Variants in SLC25A15 observed in about 807,000 individuals in gnomAD.
SLC25A15 encodes the protein solute carrier family 25 member 15, also known as mitochondrial ornithine transporter 1.
In SLC25A15, 24 loss-of-function variants were observed where a neutral mutation model predicts 32.3. The observed-to-expected ratio is 0.74, with a 90% CI of 0.54 to 1.04. The LOEUF is 1.04. Among genes scored for constraint, SLC25A15 ranks in the 50% least tolerant of loss-of-function variants. SLC25A15 has a pLI of 0.00. For missense variants in SLC25A15, 317 were observed against 374.5 expected, an observed-to-expected ratio of 0.85 and a Z score of 1.27; for synonymous variants, 132 against 142.1, an observed-to-expected ratio of 0.93 and a Z score of 0.51.
rs1279262296 is a variant in SLC25A15, at chr13:40,802,991, G to C, written c.315-2127G>C. 5.3e-5 allele frequency among the ~76,000 whole-genome samples: 8 copies of C among 152,282 alleles called. No individual in the cohort carries two copies. The South Asian group carries it at 1.5e-3, about 28-fold the overall frequency. On this transcript the variant is annotated intron_variant, in intron 3 of 6. Transcript: ENST00000338625. ...GGGGTTTTTGGAAATCTCTGAGGGT[G>C]ATCTTGGCTGTCCAGTGAGAGCATG...
intron 2 of SLC25A15, among the ~76,000 whole-genome samples, chr13:40,794,010 T>A (rs1299834872): frequency 6.6e-6 from 1 of 152,194 alleles, no homozygotes; most frequent in East Asian, 1.9e-4. Flanking sequence ...TTACTGTCCC[T>A]GCTAGTGTTG....
intron 3 of SLC25A15, among the ~76,000 whole-genome samples, chr13:40,800,122 C>T (rs1450621732): frequency 6.6e-6 from 1 of 152,168 alleles, no homozygotes; most frequent in Non-Finnish European, 1.5e-5. Context: ...TTAGTTATTT[C>T]AGTAGGAGTT....
chr13:40,805,323 A>G (rs1199708898), intron 4 of SLC25A15, 68 bp downstream of exon 4: 1 of 1,583,832 alleles, frequency 6.3e-7, no homozygotes, highest in East Asian at 2.2e-5. Flanking sequence ...TTTTCATTTT[A>G]CATTGTACTA....
intron 3 of SLC25A15, among the ~76,000 whole-genome samples, chr13:40,801,838 C>T (rs1416054920): frequency 1.3e-5 from 2 of 152,106 alleles, no homozygotes; most frequent in African/African-American, 4.8e-5. Flanking sequence ...CATCCTATAC[C>T]TATTACTGTT....
At chr13:40,794,598 C>A (rs1237843022) in intron 2 of SLC25A15, among the ~76,000 whole-genome samples, 2 of 152,060 alleles carry the variant, frequency 1.3e-5, no homozygotes, top group African/African-American at 4.8e-5. Flanking sequence ...GGAAACAGGG[C>A]GGAATGGGAA....
At chr13:40,792,862 G>A (rs188111140) in intron 1 of SLC25A15, among the ~76,000 whole-genome samples, 11 of 152,158 alleles carry the variant, frequency 7.2e-5, no homozygotes, top group Admixed American at 3.9e-4. Flanking sequence ...AGTCTGATGC[G>A]GTTTGGTACA....
At chr13:40,794,651 G>A (rs1219304244) in intron 2 of SLC25A15, among the ~76,000 whole-genome samples, 1 of 152,164 alleles carries the variant, frequency 6.6e-6, no homozygotes, top group Non-Finnish European at 1.5e-5. Flanking sequence ...AGAAGTAGGA[G>A]GAGTGGCTGG....
chr13:40,808,728 T>G (rs1253662428), intron 6 of SLC25A15, 132 bp downstream of exon 6: 19 of 690,392 alleles, frequency 2.8e-5, no homozygotes, highest in Non-Finnish European at 4.7e-5. Flanking sequence ...GGTCAGGAGA[T>G]CGAGACCATC....
chr13:40,808,631 C>T (rs1433402184), intron 6 of SLC25A15, 35 bp downstream of exon 6: 2 of 1,581,358 alleles, frequency 1.3e-6, no homozygotes, highest in South Asian at 2.2e-5. Flanking sequence ...CATCTATATA[C>T]ATCTTAAAAT....
intron 3 of SLC25A15, among the ~76,000 whole-genome samples, chr13:40,800,340 A>G (rs546703954): frequency 1.3e-5 from 2 of 152,198 alleles, no homozygotes; most frequent in South Asian, 4.2e-4. Flanking sequence ...AGGGCTGAGC[A>G]TGAATGGGAT....
chr13:40,793,413 A>G, intron 2 of SLC25A15, 132 bp downstream of exon 2: 1 of 825,790 alleles, frequency 1.2e-6, no homozygotes, highest in Non-Finnish European at 2.0e-6. Context: ...ATACATAAAT[A>G]CCACTGTGTT....
At chr13:40,806,619 C>T (rs1882185673) in intron 4 of SLC25A15, among the ~76,000 whole-genome samples, 1 of 152,212 alleles carries the variant, frequency 6.6e-6, no homozygotes. Flanking sequence ...ATGTCTGTGG[C>T]CTTTATTACC....
Position 40,791,858 on chromosome 13 carries a change from G to A in SLC25A15, c.-69-1300G>A, listed in dbSNP as rs73461259. ...AATAAAGGAGGATTATTGAAGTCTCGTCGTTGGCAAGATGCTTCAAGAGGT... is the reference window on the plus strand; with the variant it reads ...AATAAAGGAGGATTATTGAAGTCTCATCGTTGGCAAGATGCTTCAAGAGGT... On this transcript the variant is annotated intron_variant, in intron 1 of 6. Transcript: ENST00000338625. 6.3e-4 allele frequency among the ~76,000 whole-genome samples: 96 copies of A among 152,220 alleles called. 1 individual carries two copies. Among genetic ancestry groups the A allele is most frequent in the African/African-American group, 2.2e-3 (91 of 41,528 alleles).
chr13:40,799,171 AG>A lies in SLC25A15; in HGVS notation c.172del (p.Val58TrpfsTer14), dbSNP rs1881780569. ...LTDCCLKTYSQVGFRGFYKGT... is the reference protein window; with the variant it reads ...LTDCCLKTYSXVGFRGFYKGT... ...GACTGCTGCCTGAAGACTTACTCCC[AG>A]GTGGGCTTCCGTGGCTTCTACAAGG... On this transcript the variant is annotated frameshift_variant, in exon 3 of 7. Transcript: ENST00000338625. LOFTEE classifies it high-confidence loss of function. The A allele has an allele frequency of 6.2e-7, 1 of 1,614,200 alleles. No homozygotes were observed. The highest frequency in any genetic ancestry group is 8.5e-7 in the Non-Finnish European group (1 of 1,180,030).
chr13:40,792,471 T>C (rs1881544433), intron 1 of SLC25A15, among the ~76,000 whole-genome samples: 1 of 152,238 alleles, frequency 6.6e-6, no homozygotes, highest in South Asian at 2.1e-4. Context: ...TGGTCTGTGG[T>C]GACGGGAAGA....
chr13:40,809,239 C>T (rs1882339797), intron 6 of SLC25A15, among the ~76,000 whole-genome samples: 1 of 152,246 alleles, frequency 6.6e-6, no homozygotes, highest in Non-Finnish European at 1.5e-5. Context: ...CCTCTATCTC[C>T]ATGGTTGCCT....
intron 2 of SLC25A15, among the ~76,000 whole-genome samples, chr13:40,793,740 A>G (rs1237675387): frequency 6.6e-6 from 1 of 152,284 alleles, no homozygotes; most frequent in Non-Finnish European, 1.5e-5. Flanking sequence ...CTTTGGGATT[A>G]ATCCATTTGA....
chr13:40,794,509 G>A (rs1217351724), intron 2 of SLC25A15, among the ~76,000 whole-genome samples: 43 of 152,204 alleles, frequency 2.8e-4, no homozygotes, highest in Admixed American at 2.8e-3. Flanking sequence ...CCTGTGATAA[G>A]GGGTAGTGCT....
chr13:40,799,065 G>A lies in SLC25A15; in HGVS notation c.64G>A (p.Ala22Thr), dbSNP rs772586133. Reference protein sequence around the residue: ...DLTAGAAGGTACVLTGQPFDT... With the variant: ...DLTAGAAGGTTCVLTGQPFDT... ...ATCTGTCCTGATTGCAGGAGGTACA[G>A]CATGTGTACTGACCGGGCAGCCCTT... The change falls in exon 3 of 7, where the codon GCA (alanine) becomes ACA (threonine). Residue 22 changes from alanine (A) to threonine (T), a missense_variant. Transcript: ENST00000338625. 2 of 1,614,226 alleles carry A rather than the reference G, an allele frequency of 1.2e-6. No individual in the cohort carries two copies. Among genetic ancestry groups the A allele is most frequent in the Non-Finnish European group, 1.7e-6 (2 of 1,180,026 alleles).
Sources: gnomAD v4.1 joint callset for allele counts (sites outside exome capture counted in the v4.1 genomes callset) on GRCh38, gnomAD v4.1.1 for gene constraint, MANE v1.5 for transcripts, NCBI Gene and HGNC (gene_info 2026-07-23, HGNC 2026-07-21) for gene names.